LMBRD2: variants seen among roughly 807,000 people sequenced by gnomAD.
LMBRD2 encodes G protein-coupled receptor-associated protein LMBRD2.
LMBRD2 carries 55 observed loss-of-function variants against 94.4 expected under a neutral mutation model. That is an observed-to-expected ratio of 0.58 (90% CI 0.47 to 0.73). The LOEUF (loss-of-function observed/expected upper bound fraction) is 0.73. Among genes scored for constraint, LMBRD2 ranks in the 30% least tolerant of loss-of-function variants. The pLI is 0.00. For missense variants in LMBRD2, 640 were observed against 831.9 expected (o/e 0.77, Z 2.84); for synonymous variants, 246 against 272.4 (o/e 0.90, Z 0.95).
At position 36,101,476 on chromosome 5, in the gene LMBRD2, TA is replaced by T. The variant is rs2111830309; in HGVS notation, c.*2569del. On this transcript the variant is annotated 3_prime_UTR_variant, in exon 18 of 18. Transcript: ENST00000296603. Reference sequence around the variant, plus strand: ...TAAGAAATGTACTTTGCATGTAAAGTATATGTATTTAGTAGTCCTATTTTGC... The same window carrying T: ...TAAGAAATGTACTTTGCATGTAAAGTTATGTATTTAGTAGTCCTATTTTGC... 6.6e-6 allele frequency: 1 copy of T among 152,046 alleles called. No homozygotes were observed. Among genetic ancestry groups the T allele is most frequent in the South Asian group, 2.1e-4 (1 of 4,830 alleles). 9.4% of individuals were successfully genotyped at this position (152,046 alleles called of 1,614,324 possible). A position where few individuals can be genotyped will look rare whatever the true frequency, so the allele number is the denominator to read the frequency against.
In LMBRD2 at chr5:36,114,475, T is replaced by G; in HGVS notation, c.1589A>C (p.Tyr530Ser). Residue 530 changes from tyrosine (Y) to serine (S), a missense_variant, in exon 13 of 18, where the codon TAT (tyrosine) becomes TCT (serine). This residue lies in a region of LMBRD2 where 457 missense variants were observed against 642.8 expected (regional missense o/e 0.71). Coordinates refer to ENST00000296603, the MANE Select transcript of LMBRD2 (RefSeq NM_001007527.2). ...KVLSFIADGF[Y>S]IYYPMLVVIL... ...TACCACCAACATAGGATAATATATA[T>G]AGAATCCATCTGCAATAAAGGATAA... The G allele has an allele frequency of 6.4e-7, 1 of 1,569,182 alleles. No homozygotes were observed. Among genetic ancestry groups the G allele is most frequent in the Non-Finnish European group, 8.6e-7 (1 of 1,163,338 alleles).
chr5:36,143,313 C>T lies in LMBRD2; in HGVS notation c.37G>A (p.Val13Ile). The T allele has an allele frequency of 1.9e-6, 3 of 1,613,208 alleles. No individual in the cohort carries two copies. Among genetic ancestry groups the T allele is most frequent in the Non-Finnish European group, 2.5e-6 (3 of 1,179,604 alleles). The change falls in exon 2 of 18, where the codon GTC becomes ATC. Residue 13 changes from valine to isoleucine, a missense_variant. Physicochemically the swap from Val to Ile is conservative, Grantham distance 29. Coordinates refer to ENST00000296603, the MANE Select transcript of LMBRD2 (RefSeq NM_001007527.2). ...AGCAGAAATAATGCCAGAAAAAAGA[C>T]AAAAACAATCTCAAGTCCCAAAGCT... is the stretch of plus-strand genomic sequence containing the variant. ...GAALGLEIVF[V>I]FFLALFLLHR...
intron 6 of LMBRD2, among the ~76,000 whole-genome samples, chr5:36,124,721 A>G (rs1484426580): frequency 6.6e-6 from 1 of 152,188 alleles, no homozygotes; most frequent in African/African-American, 2.4e-5. Context: ...TAGAGCAGTC[A>G]TGATTGATTA....
At position 36,143,998 on chromosome 5, in the gene LMBRD2, T is replaced by A. The variant is rs62353822; in HGVS notation, c.-57-592A>T. ...CTTACTCACTGCTTTACAAAATATA[T>A]TTATCACTTCCATTTATCTACATAA... On this transcript the variant is annotated intron_variant, in intron 1 of 17. Coordinates refer to ENST00000296603, the MANE Select transcript of LMBRD2 (RefSeq NM_001007527.2). Among the ~76,000 whole-genome samples the A allele has an allele frequency of 6.2e-4, 95 of 152,140 alleles. 1 individual carries two copies. In the East Asian group the frequency reaches 0.015, roughly 24 times the overall value.
intron 5 of LMBRD2, 27 bp downstream of exon 5, chr5:36,137,247 C>A: frequency 7.0e-7 from 1 of 1,425,984 alleles, no homozygotes; most frequent in Non-Finnish European, 9.5e-7. Flanking sequence ...TACATTAAAG[C>A]AATGTTAAGA....
chr5:36,135,153 TG>T (rs1316023400), intron 6 of LMBRD2, among the ~76,000 whole-genome samples: 2 of 152,180 alleles, frequency 1.3e-5, no homozygotes, highest in Non-Finnish European at 2.9e-5. Context: ...CAGAAAAGTT[TG>T]TCAGTCCCTG....
chr5:36,146,806 G>T (rs1744551317), intron 1 of LMBRD2, among the ~76,000 whole-genome samples: 1 of 152,084 alleles, frequency 6.6e-6, no homozygotes, highest in Admixed American at 6.6e-5. Context: ...TTTTTAAATT[G>T]TATATATTTA....
At chr5:36,129,102 G>A (rs114847423) in intron 6 of LMBRD2, among the ~76,000 whole-genome samples, 1,524 of 152,192 alleles carry the variant, frequency 0.01, 11 homozygotes, top group African/African-American at 0.035. Flanking sequence ...AAGTGTCTAC[G>A]AAATCTAGAA....
chr5:36,132,443 GC>G (rs201289307), intron 6 of LMBRD2, among the ~76,000 whole-genome samples: 162 of 152,012 alleles, frequency 1.1e-3, no homozygotes, highest in East Asian at 2.1e-3. Flanking sequence ...GGCAATCTAA[GC>G]AAAAGTGAAC....
intron 5 of LMBRD2, 139 bp from the exon 6 acceptor site, chr5:36,136,658 T>C (rs1485370489): frequency 4.4e-6 from 3 of 678,810 alleles, no homozygotes; most frequent in East Asian, 5.4e-5. Context: ...GGCAATAATA[T>C]GTATATATTT....
Position 36,103,863 on chromosome 5 carries a change from G to T in LMBRD2, c.*183C>A. 2.2e-6 allele frequency: 1 copy of T among 460,848 alleles called. No homozygotes were observed. The highest frequency in any genetic ancestry group is 3.3e-5 in the South Asian group (1 of 30,102). 28.5% of individuals were successfully genotyped at this position (460,848 alleles called of 1,614,324 possible). A position where few individuals can be genotyped will look rare whatever the true frequency, so the allele number is the denominator to read the frequency against. On this transcript the variant is annotated 3_prime_UTR_variant, in exon 18 of 18. Transcript: ENST00000296603. ...ATATGTAATAAATCTTGTTGAAAAA[G>T]GTGATACTCTATTCAATGCACATTA...
chr5:36,110,496 T>C (rs944221670), intron 14 of LMBRD2, among the ~76,000 whole-genome samples: 1 of 152,002 alleles, frequency 6.6e-6, no homozygotes, highest in Non-Finnish European at 1.5e-5. Context: ...TGCTATGCCA[T>C]ATGAGGTCTA....
intron 17 of LMBRD2, among the ~76,000 whole-genome samples, chr5:36,104,359 G>T (rs1182063787): frequency 6.6e-6 from 1 of 151,966 alleles, no homozygotes; most frequent in Non-Finnish European, 1.5e-5. Context: ...GGGGGCAGGG[G>T]ATGTAAGACA....
chr5:36,151,282 A>G lies in LMBRD2; in HGVS notation c.-58+274T>C, dbSNP rs1438661571. ...GTTGCAAAATACAGTCCTTTCATTT[A>G]TTCCCATGTTGCTATTTATGAGACC... On this transcript the variant is annotated intron_variant, in intron 1 of 17. Transcript: ENST00000296603. The surrounding 1 kb of genome is among the most constrained non-coding windows in gnomAD (Gnocchi z 4.7). 6.6e-6 allele frequency among the ~76,000 whole-genome samples: 1 copy of G among 152,208 alleles called. No individual in the cohort carries two copies. The highest frequency in any genetic ancestry group is 1.5e-5 in the Non-Finnish European group (1 of 68,034).
intron 6 of LMBRD2, among the ~76,000 whole-genome samples, chr5:36,131,016 A>G (rs1413820271): frequency 6.6e-6 from 1 of 152,120 alleles, no homozygotes; most frequent in Non-Finnish European, 1.5e-5. Flanking sequence ...TTCCAAAACC[A>G]GAAACAGACA....
intron 6 of LMBRD2, among the ~76,000 whole-genome samples, chr5:36,125,199 T>C (rs1170692680): frequency 6.6e-6 from 1 of 152,154 alleles, no homozygotes; most frequent in Non-Finnish European, 1.5e-5. Context: ...ATCACAATAT[T>C]CTATAATATT....
At position 36,125,668 on chromosome 5, in the gene LMBRD2, C is replaced by T. The variant is rs910004474; in HGVS notation, c.748-1403G>A. On this transcript the variant is annotated intron_variant, in intron 6 of 17. Coordinates refer to ENST00000296603, the MANE Select transcript of LMBRD2 (RefSeq NM_001007527.2). ...CTATTTAAAGGTAATTTCACAACATCTATTGAAATTTAGAATATGCATACT... is the reference window on the plus strand; with the variant it reads ...CTATTTAAAGGTAATTTCACAACATTTATTGAAATTTAGAATATGCATACT... Among the ~76,000 whole-genome samples the T allele has an allele frequency of 4.6e-5, 7 of 152,212 alleles. No homozygotes were observed. In the East Asian group the frequency reaches 1.4e-3, roughly 29 times the overall value.
chr5:36,114,795 G>C (rs988242010), intron 12 of LMBRD2, among the ~76,000 whole-genome samples: 1 of 151,852 alleles, frequency 6.6e-6, no homozygotes. Context: ...TTTTGATACT[G>C]GTCAGCTAGA....
At position 36,102,388 on chromosome 5, in the gene LMBRD2, A is replaced by G. The variant is rs903880406; in HGVS notation, c.*1658T>C. On this transcript the variant is annotated 3_prime_UTR_variant, in exon 18 of 18. Coordinates refer to ENST00000296603, the MANE Select transcript of LMBRD2 (RefSeq NM_001007527.2). ...GCCAAAGGTATTCAATTAGTCAATC[A>G]TTAAATTACAAAGAGGATCAAATTA... 1 of 151,892 alleles carries G rather than the reference A, an allele frequency of 6.6e-6. No individual in the cohort carries two copies. Among genetic ancestry groups the G allele is most frequent in the African/African-American group, 2.4e-5 (1 of 41,436 alleles). 9.4% of individuals were successfully genotyped at this position (151,892 alleles called of 1,614,324 possible). A position where few individuals can be genotyped will look rare whatever the true frequency, so the allele number is the denominator to read the frequency against.
Sources: gnomAD v4.1 joint callset for allele counts (sites outside exome capture counted in the v4.1 genomes callset) on GRCh38, gnomAD v4.1.1 for gene constraint, gnomAD v4.1.1 regional missense constraint, Gnocchi (gnomAD v3.1) non-coding constraint, MANE v1.5 for transcripts, NCBI Gene and HGNC (gene_info 2026-07-23, HGNC 2026-07-21) for gene names.